ERG: variants seen among roughly 807,000 people sequenced by gnomAD.
The protein encoded by ERG is transcriptional regulator ERG.
Under a neutral mutation model 55.3 loss-of-function variants are expected in ERG, and 9 were observed. The observed-to-expected ratio is 0.16, with a 90% CI of 0.10 to 0.28. The LOEUF (loss-of-function observed/expected upper bound fraction) is 0.28, where lower values mean the gene tolerates loss of function less well. Among genes scored for constraint, ERG ranks in the 10% least tolerant of loss-of-function variants. The pLI is 1.00. For synonymous variants in ERG, 223 were observed against 237.3 expected, an observed-to-expected ratio of 0.94 and a Z score of 0.55; for missense variants, 434 against 631.6, an observed-to-expected ratio of 0.69 and a Z score of 3.35.
At chr21:38,487,777 C>A (rs1353919438) in intron 1 of ERG, among the ~76,000 whole-genome samples, 1 of 152,226 alleles carries the variant, frequency 6.6e-6, no homozygotes, top group Non-Finnish European at 1.5e-5. Context: ...AAGCAGTCTT[C>A]ATTCAAACAG....
At chr21:38,456,883 T>C (rs1013915286) in intron 1 of ERG, among the ~76,000 whole-genome samples, 1 of 152,218 alleles carries the variant, frequency 6.6e-6, no homozygotes, top group South Asian at 2.1e-4. Context: ...TTTGCTAATG[T>C]TATACGCTGA....
At chr21:38,602,524 G>C (rs927051255) in intron 1 of ERG, among the ~76,000 whole-genome samples, 4 of 151,966 alleles carry the variant, frequency 2.6e-5, no homozygotes, top group African/African-American at 9.7e-5. Flanking sequence ...CAAATGACTT[G>C]ATAAATGTGG....
At chr21:38,453,828 G>A (rs1476544041) in intron 1 of ERG, among the ~76,000 whole-genome samples, 1 of 149,538 alleles carries the variant, frequency 6.7e-6, no homozygotes, top group Non-Finnish European at 1.5e-5. Context: ...AGGCTGCAGT[G>A]AGCTGAGATC....
At chr21:38,470,230 A>G (rs947095860) in intron 1 of ERG, among the ~76,000 whole-genome samples, 6 of 150,526 alleles carry the variant, frequency 4.0e-5, no homozygotes, top group Non-Finnish European at 8.8e-5. Context: ...AATGTCTAGC[A>G]TATAATAAGC....
intron 1 of ERG, among the ~76,000 whole-genome samples, chr21:38,490,284 T>C (rs1170843193): frequency 1.3e-5 from 2 of 152,190 alleles, no homozygotes. Flanking sequence ...ATGCTTTTCA[T>C]AGATTCCCTG....
At chr21:38,426,825 G>A (rs1250597060) in intron 2 of ERG, among the ~76,000 whole-genome samples, 1 of 151,910 alleles carries the variant, frequency 6.6e-6, no homozygotes, top group South Asian at 2.1e-4. Context: ...AGCTACTCGG[G>A]AGGCTGAGGC....
At chr21:38,536,455 T>A (rs2059711049) in intron 2 of ERG, among the ~76,000 whole-genome samples, 1 of 152,196 alleles carries the variant, frequency 6.6e-6, no homozygotes, top group South Asian at 2.1e-4. Flanking sequence ...TCCAGCCTCA[T>A]CTTCTAAGTG....
intron 1 of ERG, among the ~76,000 whole-genome samples, chr21:38,467,609 C>G (rs1274900153): frequency 6.6e-6 from 1 of 152,108 alleles, no homozygotes; most frequent in Admixed American, 6.5e-5. Flanking sequence ...TACATGTGCT[C>G]TTGTTAAATC....
At chr21:38,583,375 G>A (rs1261163799) in intron 1 of ERG, among the ~76,000 whole-genome samples, 2 of 152,190 alleles carry the variant, frequency 1.3e-5, no homozygotes, top group African/African-American at 2.4e-5. Flanking sequence ...AGCACCGCCC[G>A]AAATCCTGTG....
At chr21:38,646,066 G>A (rs1220603510) in intron 1 of ERG, among the ~76,000 whole-genome samples, 2 of 152,092 alleles carry the variant, frequency 1.3e-5, no homozygotes, top group Non-Finnish European at 2.9e-5. Flanking sequence ...ATCACTTGAG[G>A]TCAGGAGTTC....
At chr21:38,525,897 T>C (rs566290174) in intron 2 of ERG, among the ~76,000 whole-genome samples, 6 of 152,246 alleles carry the variant, frequency 3.9e-5, no homozygotes, top group African/African-American at 1.4e-4. Context: ...GAACAAAACA[T>C]TAAGCTTGTT....
At chr21:38,635,335 A>G (rs2060381797) in intron 1 of ERG, among the ~76,000 whole-genome samples, 1 of 152,186 alleles carries the variant, frequency 6.6e-6, no homozygotes, top group African/African-American at 2.4e-5. Context: ...AACATACAAC[A>G]CCAAGAGCAG....
intron 3 of ERG, 102 bp downstream of exon 3, chr21:38,423,308 T>C: frequency 8.0e-7 from 1 of 1,243,818 alleles, no homozygotes; most frequent in South Asian, 1.5e-5. Flanking sequence ...ACAAAGGAGA[T>C]GTGATCAATG....
intron 1 of ERG, among the ~76,000 whole-genome samples, chr21:38,581,050 G>T (rs1378403862): frequency 6.6e-6 from 1 of 152,184 alleles, no homozygotes; most frequent in Non-Finnish European, 1.5e-5. Context: ...ACACACACAA[G>T]ATCTTCCCAA....
At chr21:38,467,803 A>G (rs1408134335) in intron 1 of ERG, among the ~76,000 whole-genome samples, 1 of 152,208 alleles carries the variant, frequency 6.6e-6, no homozygotes, top group African/African-American at 2.4e-5. Context: ...CAAAAAAGAA[A>G]ACTGATTATG....
At chr21:38,604,781 G>A (rs762019081) in intron 1 of ERG, among the ~76,000 whole-genome samples, 3 of 152,186 alleles carry the variant, frequency 2.0e-5, no homozygotes, top group Non-Finnish European at 2.9e-5. Flanking sequence ...CTCAAGGACC[G>A]TTCTCTGATA....
intron 2 of ERG, among the ~76,000 whole-genome samples, chr21:38,520,831 C>T (rs142475570): frequency 3.9e-5 from 6 of 152,236 alleles, no homozygotes; most frequent in African/African-American, 1.4e-4. Flanking sequence ...TTTTACTTTA[C>T]AGAGAAGAAG....
At chr21:38,551,704 G>A (rs551181631) in intron 2 of ERG, among the ~76,000 whole-genome samples, 9 of 152,206 alleles carry the variant, frequency 5.9e-5, no homozygotes, top group Admixed American at 3.3e-4. Flanking sequence ...CTGAAAGTAC[G>A]GCTAGTATGA....
chr21:38,541,205 C>A (rs2836492), intron 2 of ERG, among the ~76,000 whole-genome samples: 1 of 152,106 alleles, frequency 6.6e-6, no homozygotes, highest in Non-Finnish European at 1.5e-5. Context: ...TTAAGAGTTC[C>A]GATGCTTGCT....
Sources: gnomAD v4.1 joint callset for allele counts (sites outside exome capture counted in the v4.1 genomes callset) on GRCh38, gnomAD v4.1.1 for gene constraint, MANE v1.5 for transcripts, NCBI Gene and HGNC (gene_info 2026-07-23, HGNC 2026-07-21) for gene names.